The following MAGI1 variants were observed in gnomAD, a reference collection of about 807,000 sequenced individuals.
MAGI1 encodes membrane associated guanylate kinase, WW and PDZ domain containing 1.
In MAGI1, 58 loss-of-function variants were observed where a neutral mutation model predicts 139.9. The ratio of observed to expected loss-of-function variants is 0.41; its 90% CI spans 0.34 to 0.52. MAGI1 has a LOEUF of 0.52. Ranked by LOEUF, MAGI1 falls within the 20% of genes least tolerant of loss-of-function variation. The pLI, the probability that MAGI1 is intolerant of heterozygous loss-of-function variation, is 0.12. For missense variants in MAGI1, 1,874 were observed against 1,901.6 expected (o/e 0.99, Z 0.27); for synonymous variants, 812 against 737.9 (o/e 1.10, Z -1.63).
At chr3:65,926,174 A>C (rs1405680135) in intron 1 of MAGI1, among the ~76,000 whole-genome samples, 1 of 152,230 alleles carries the variant, frequency 6.6e-6, no homozygotes, top group South Asian at 2.1e-4. Flanking sequence ...ACTTCAATAG[A>C]TTTAACCTGA....
chr3:65,657,249 G>A (rs889261285), intron 1 of MAGI1, among the ~76,000 whole-genome samples: 2 of 152,020 alleles, frequency 1.3e-5, no homozygotes. Flanking sequence ...GTGGCACTGG[G>A]ATTCAAACTC....
intron 1 of MAGI1, among the ~76,000 whole-genome samples, chr3:65,965,873 CG>C (rs2064714085): frequency 6.6e-6 from 1 of 152,072 alleles, no homozygotes; most frequent in Admixed American, 6.6e-5. Flanking sequence ...GGGCTGGTCT[CG>C]AACTCTGACC....
intron 1 of MAGI1, among the ~76,000 whole-genome samples, chr3:65,780,791 A>G (rs1031561432): frequency 6.6e-6 from 1 of 152,234 alleles, no homozygotes; most frequent in African/African-American, 2.4e-5. Context: ...AAGGGGGTTG[A>G]TGAGAAGGAA....
At chr3:65,475,609 T>C (rs976702882) in intron 4 of MAGI1, among the ~76,000 whole-genome samples, 7 of 152,186 alleles carry the variant, frequency 4.6e-5, no homozygotes, top group African/African-American at 1.7e-4. Context: ...CTACCTTCAT[T>C]AAGCCCACAT....
chr3:65,465,973 G>A (rs906378255), intron 5 of MAGI1, among the ~76,000 whole-genome samples: 2 of 151,998 alleles, frequency 1.3e-5, no homozygotes, highest in Non-Finnish European at 2.9e-5. Flanking sequence ...TCTATTTTCA[G>A]GTCCACTGAT....
At chr3:65,933,309 G>T (rs2062889330) in intron 1 of MAGI1, among the ~76,000 whole-genome samples, 1 of 152,172 alleles carries the variant, frequency 6.6e-6, no homozygotes, top group Non-Finnish European at 1.5e-5. Context: ...CAAAATATTG[G>T]TCAGGGCTGC....
chr3:65,789,386 C>T (rs9813157), intron 1 of MAGI1, among the ~76,000 whole-genome samples: 46 of 152,168 alleles, frequency 3.0e-4, no homozygotes, highest in African/African-American at 9.2e-4. Context: ...AAAATCATAC[C>T]GGGGTGGCCA....
intron 2 of MAGI1, among the ~76,000 whole-genome samples, chr3:65,525,579 T>C (rs556198066): frequency 3.3e-4 from 51 of 152,318 alleles, no homozygotes; most frequent in African/African-American, 1.2e-3. Context: ...TAAAATGGCA[T>C]CTTTACTTTC....
chr3:65,473,118 G>C (rs562223701), intron 4 of MAGI1, among the ~76,000 whole-genome samples: 1 of 152,264 alleles, frequency 6.6e-6, no homozygotes, highest in African/African-American at 2.4e-5. Flanking sequence ...CTAGCACATA[G>C]TGAGCCATAG....
intron 12 of MAGI1, among the ~76,000 whole-genome samples, chr3:65,419,295 G>GTT (rs1341208024): frequency 6.6e-6 from 1 of 150,904 alleles, no homozygotes; most frequent in African/African-American, 2.4e-5. Flanking sequence ...TGAAATGTGT[G>GTT]TGTGTGTGTA....
At position 65,388,360 on chromosome 3, in the gene MAGI1, AGCT is replaced by A. The variant is rs146920305; in HGVS notation, c.2416+2779_2416+2781del. ...AAAAGAGGGTAATATGGCACAGTTAAGCTGCTGTTGCTGACTTCAATTTTCCTG... is the reference window on the plus strand; with the variant it reads ...AAAAGAGGGTAATATGGCACAGTTAAGCTGTTGCTGACTTCAATTTTCCTG... On this transcript the variant is annotated intron_variant, in intron 14 of 22. Coordinates refer to ENST00000402939, the MANE Select transcript of MAGI1 (RefSeq NM_001033057.2). Among the ~76,000 whole-genome samples the A allele has an allele frequency of 7.2e-4, 109 of 152,312 alleles. 2 individuals carry two copies. The East Asian group carries it at 0.019, about 27-fold the overall frequency.
At chr3:65,809,481 G>A (rs1043121740) in intron 1 of MAGI1, among the ~76,000 whole-genome samples, 3 of 152,284 alleles carry the variant, frequency 2.0e-5, no homozygotes, top group Non-Finnish European at 4.4e-5. Flanking sequence ...CAAGAAAGGT[G>A]ACAGAGAAGA....
chr3:65,905,416 T>C (rs1270994887), intron 1 of MAGI1, among the ~76,000 whole-genome samples: 2 of 135,768 alleles, frequency 1.5e-5, no homozygotes, highest in African/African-American at 6.1e-5. Context: ...CTCATCTCTA[T>C]GAAATATTTT....
At chr3:65,963,424 T>G (rs1477650476) in intron 1 of MAGI1, among the ~76,000 whole-genome samples, 1 of 151,860 alleles carries the variant, frequency 6.6e-6, no homozygotes, top group Non-Finnish European at 1.5e-5. Flanking sequence ...CAGACCATCC[T>G]GGCCAACATG....
intron 1 of MAGI1, among the ~76,000 whole-genome samples, chr3:65,757,283 T>C (rs911332700): frequency 5.9e-5 from 9 of 152,234 alleles, no homozygotes; most frequent in African/African-American, 1.9e-4. Flanking sequence ...AGAGGTTTTC[T>C]GAAATTTTAC....
At chr3:65,994,218 G>A (rs912582645) in intron 1 of MAGI1, among the ~76,000 whole-genome samples, 1 of 141,352 alleles carries the variant, frequency 7.1e-6, no homozygotes, top group Non-Finnish European at 1.5e-5. Context: ...AGGTTGCAAT[G>A]AGCCGAGATC....
chr3:66,038,439 T>TG lies in MAGI1; in HGVS notation c.-132dup, dbSNP rs2069059968. The TG allele has an allele frequency of 5.4e-6, 7 of 1,289,856 alleles. No homozygotes were observed. Among genetic ancestry groups the TG allele is most frequent in the Non-Finnish European group, 7.2e-6 (7 of 972,708 alleles). 79.9% of individuals were successfully genotyped at this position (1,289,856 alleles called of 1,614,324 possible). A position where few individuals can be genotyped will look rare whatever the true frequency, so the allele number is the denominator to read the frequency against. On this transcript the variant is annotated 5_prime_UTR_variant, in exon 1 of 23. Coordinates refer to ENST00000402939, the MANE Select transcript of MAGI1 (RefSeq NM_001033057.2). ...AATCACAAAACAGGAGAGAGAAACT[T>TG]GGCAGCCTCGCTCCCCTGCACACGC... is the stretch of plus-strand genomic sequence containing the variant.
intron 1 of MAGI1, among the ~76,000 whole-genome samples, chr3:65,944,349 C>G (rs2063458749): frequency 6.6e-6 from 1 of 151,482 alleles, no homozygotes; most frequent in African/African-American, 2.4e-5. Flanking sequence ...TCTATCTCTA[C>G]AAAAAATAAA....
intron 1 of MAGI1, among the ~76,000 whole-genome samples, chr3:65,647,242 A>G (rs2085319161): frequency 6.6e-6 from 1 of 152,174 alleles, no homozygotes; most frequent in East Asian, 1.9e-4. Context: ...ACAAATCTAC[A>G]AACATACATT....
Sources: gnomAD v4.1 joint callset for allele counts (sites outside exome capture counted in the v4.1 genomes callset) on GRCh38, gnomAD v4.1.1 for gene constraint, MANE v1.5 for transcripts, NCBI Gene and HGNC (gene_info 2026-07-23, HGNC 2026-07-21) for gene names.